The following HAS2 variants were observed in gnomAD, a reference collection of about 807,000 sequenced individuals.
HAS2 encodes hyaluronan synthase 2, also known as HA synthase 2.
HAS2 carries 16 observed loss-of-function variants against 51.6 expected under a neutral mutation model. The ratio of observed to expected loss-of-function variants is 0.31; its 90% CI spans 0.21 to 0.47. HAS2 has a LOEUF of 0.47. HAS2 is among the 20% of genes least tolerant of loss of function. The probability of loss-of-function intolerance (pLI) is 1.00; values close to 1 mark genes in which losing one functional copy is unlikely to be tolerated. For missense variants in HAS2, 361 were observed against 662.6 expected (o/e 0.54, Z 5.00); for synonymous variants, 228 against 235.5 (o/e 0.97, Z 0.29).
At chr8:121,638,534 TA>T (rs1386542612) in intron 1 of HAS2, among the ~76,000 whole-genome samples, 3 of 152,092 alleles carry the variant, frequency 2.0e-5, no homozygotes, top group South Asian at 2.1e-4. Context: ...AAAAAACAAA[TA>T]GGGGGGATGA....
chr8:121,638,774 G>A (rs1401524810), intron 1 of HAS2, among the ~76,000 whole-genome samples: 1 of 152,120 alleles, frequency 6.6e-6, no homozygotes. Flanking sequence ...ACCTTATTAA[G>A]CTCTAGAAAA....
At chr8:121,636,151 T>G (rs1813005074) in intron 1 of HAS2, among the ~76,000 whole-genome samples, 1 of 152,224 alleles carries the variant, frequency 6.6e-6, no homozygotes, top group African/African-American at 2.4e-5. Flanking sequence ...TTTTAAAATC[T>G]CCTCCAGCAA....
chr8:121,636,218 T>A (rs1446372152), intron 1 of HAS2, among the ~76,000 whole-genome samples: 1 of 152,228 alleles, frequency 6.6e-6, no homozygotes, highest in Non-Finnish European at 1.5e-5. Flanking sequence ...AAGACTTTCA[T>A]GACCTCATTC....
At chr8:121,628,596 A>G in intron 2 of HAS2, 118 bp downstream of exon 2, 1 of 898,378 alleles carries the variant, frequency 1.1e-6, no homozygotes, top group Non-Finnish European at 1.7e-6. Flanking sequence ...TTTCAAATGA[A>G]CTGAAAGAAG....
intron 3 of HAS2, among the ~76,000 whole-genome samples, chr8:121,616,446 T>TC (rs1410750815): frequency 2.6e-5 from 4 of 151,794 alleles, no homozygotes; most frequent in African/African-American, 9.7e-5. Flanking sequence ...CTTTTTCTTT[T>TC]TTTTTTTTGA....
Position 121,614,324 on chromosome 8 carries a change from A to T in HAS2, c.1444T>A (p.Ser482Thr), listed in dbSNP as rs1220033445. The T allele has an allele frequency of 2.5e-6, 4 of 1,613,996 alleles. No individual in the cohort carries two copies. In the African/African-American group the frequency reaches 5.3e-5, roughly 22 times the overall value. The change falls in exon 4 of 4, where the codon TCA becomes ACA. Residue 482 changes from serine to threonine, a missense_variant. Coordinates refer to ENST00000303924, the MANE Select transcript of HAS2 (RefSeq NM_005328.3). The surrounding 1 kb of genome is among the most constrained non-coding windows in gnomAD (Gnocchi z 7.2). ...VVNFIGLIPV[S>T]VWFTILLGGV... ...CCCAGGAGGATTGTAAACCAAACTG[A>T]TACTGGAATGAGTCCTATGAAATTA...
intron 1 of HAS2, chr8:121,639,399 C>G (rs1325424522): frequency 6.6e-6 from 1 of 152,572 alleles, no homozygotes; most frequent in Non-Finnish European, 1.5e-5. Context: ...AGGGAGTGGG[C>G]AGGGAGAGGC....
In HAS2 at chr8:121,633,999, C is replaced by T. The variant is rs577410074; in HGVS notation, c.1-4659G>A. The stretch of plus-strand genomic sequence containing the variant: ...GATCTTGGCTCACTGCAACCTCCGC[C>T]TCCTGGGTTCAAGTGATTCTCCTGC... On this transcript the variant is annotated intron_variant, in intron 1 of 3. Coordinates refer to ENST00000303924, the MANE Select transcript of HAS2 (RefSeq NM_005328.3). 2.9e-4 allele frequency among the ~76,000 whole-genome samples: 44 copies of T among 152,006 alleles called. 1 individual carries two copies. In the East Asian group the frequency reaches 6.6e-3, roughly 23 times the overall value.
intron 2 of HAS2, among the ~76,000 whole-genome samples, chr8:121,628,341 A>T (rs1050557199): frequency 4.6e-5 from 7 of 152,214 alleles, no homozygotes; most frequent in African/African-American, 1.4e-4. Flanking sequence ...TCAGGCAGAC[A>T]CTATTTTCTT....
chr8:121,617,872 CCTT>C (rs1812725930), intron 2 of HAS2, among the ~76,000 whole-genome samples: 3 of 152,060 alleles, frequency 2.0e-5, no homozygotes, highest in African/African-American at 7.2e-5. Context: ...ATTTGCAGGA[CCTT>C]CAACACCTTT....
chr8:121,638,085 A>G (rs529316747), intron 1 of HAS2, among the ~76,000 whole-genome samples: 1 of 152,374 alleles, frequency 6.6e-6, no homozygotes, highest in African/African-American at 2.4e-5. Flanking sequence ...AGTGCCAACA[A>G]CAGGAAATAA....
chr8:121,634,511 A>C (rs1812982883), intron 1 of HAS2, among the ~76,000 whole-genome samples: 2 of 151,848 alleles, frequency 1.3e-5, no homozygotes, highest in African/African-American at 4.8e-5. Context: ...ACACATGCAC[A>C]TACTCTATGG....
chr8:121,622,513 T>G (rs1035935009), intron 2 of HAS2, among the ~76,000 whole-genome samples: 2 of 152,092 alleles, frequency 1.3e-5, no homozygotes, highest in Non-Finnish European at 2.9e-5. Flanking sequence ...AGATAATGTA[T>G]GTAAAGCTGT....
rs71573616 is a variant in HAS2, at chr8:121,641,158, CTTTTTTTTTT to C, written c.-316_-307del. The C allele has an allele frequency of 7.0e-5, 4 of 57,016 alleles. No individual in the cohort carries two copies. Among genetic ancestry groups the C allele is most frequent in the African/African-American group, 2.7e-4 (4 of 14,904 alleles). 3.5% of individuals were successfully genotyped at this position (57,016 alleles called of 1,614,324 possible). A position where few individuals can be genotyped will look rare whatever the true frequency, so the allele number is the denominator to read the frequency against. Reference sequence around the variant, plus strand: ...TAACTTTTCTTTTTTCTTTTCTTTTCTTTTTTTTTTTTTTTTTTTTTTGGGCTTCAGTCTT... The same window carrying C: ...TAACTTTTCTTTTTTCTTTTCTTTTCTTTTTTTTTTTTGGGCTTCAGTCTT... On this transcript the variant is annotated 5_prime_UTR_variant, in exon 1 of 4. Coordinates refer to ENST00000303924, the MANE Select transcript of HAS2 (RefSeq NM_005328.3).
chr8:121,635,506 TG>T (rs747238279), intron 1 of HAS2, among the ~76,000 whole-genome samples: 26 of 152,182 alleles, frequency 1.7e-4, no homozygotes, highest in Non-Finnish European at 3.2e-4. Flanking sequence ...ATAGGAGGAC[TG>T]GGAATCAGAA....
At position 121,612,874 on chromosome 8, in the gene HAS2, TTA is replaced by T. The variant is rs1437779102; in HGVS notation, c.*1233_*1234del. 1 of 152,002 alleles carries T rather than the reference TTA, an allele frequency of 6.6e-6. No individual in the cohort carries two copies. The highest frequency in any genetic ancestry group is 2.4e-5 in the African/African-American group (1 of 41,402). The allele number at this position is 152,002 out of a possible 1,614,324, so 9.4% of individuals were successfully genotyped here. ...GTGATTCTATCTGCCAATTTTGAAT[TTA>T]TATGTTTTATAATTTATCCAACTCA... is the stretch of plus-strand genomic sequence containing the variant. On this transcript the variant is annotated 3_prime_UTR_variant, in exon 4 of 4. Coordinates refer to ENST00000303924, the MANE Select transcript of HAS2 (RefSeq NM_005328.3).
intron 2 of HAS2, among the ~76,000 whole-genome samples, chr8:121,619,407 A>T (rs1812746837): frequency 6.6e-6 from 1 of 152,072 alleles, no homozygotes; most frequent in African/African-American, 2.4e-5. Flanking sequence ...TAATTATAGC[A>T]ATTTTGGGGT....
At position 121,618,737 on chromosome 8, in the gene HAS2, A is replaced by G. The variant is rs528726805; in HGVS notation, c.628-1531T>C. Among the ~76,000 whole-genome samples the G allele has an allele frequency of 3.7e-4, 57 of 152,340 alleles. No homozygotes were observed. The East Asian group carries it at 0.011, about 29-fold the overall frequency. On this transcript the variant is annotated intron_variant, in intron 2 of 3. Transcript: ENST00000303924. ...TATCCCCATTCAGACAATGAATGGC[A>G]TGATTGGCAGAGACTGAGTATTTAT... is the stretch of plus-strand genomic sequence containing the variant.
At position 121,640,601 on chromosome 8, in the gene HAS2, G is replaced by T. The variant is rs1408581917; in HGVS notation, c.-1+252C>A. Among the ~76,000 whole-genome samples, 5 of 152,080 alleles carry T rather than the reference G, an allele frequency of 3.3e-5. No individual in the cohort carries two copies. The East Asian group carries it at 9.7e-4, about 29-fold the overall frequency. On this transcript the variant is annotated intron_variant, in intron 1 of 3. Transcript: ENST00000303924. ...ACGTGCAGCCTTTCCCAGGCAGAGA[G>T]GCTACCTGTGTCCCCAGAAAGGCAG... is the stretch of plus-strand genomic sequence containing the variant.
Sources: allele counts gnomAD v4.1 joint callset (sites outside exome capture counted in the v4.1 genomes callset), GRCh38; gene constraint gnomAD v4.1.1; non-coding constraint Gnocchi (gnomAD v3.1); transcripts MANE v1.5; gene names NCBI Gene and HGNC (gene_info 2026-07-23, HGNC 2026-07-21).